CR2: variants seen among roughly 807,000 people sequenced by gnomAD.
CR2 encodes the protein complement receptor type 2.
In CR2, 96 loss-of-function variants were observed where a neutral mutation model predicts 123.0. The observed-to-expected ratio is 0.78, with a 90% CI of 0.66 to 0.93. The LOEUF is 0.93. Among genes scored for constraint, CR2 ranks in the 40% least tolerant of loss-of-function variants. The pLI, the probability that CR2 is intolerant of heterozygous loss-of-function variation, is 0.00. For missense variants in CR2, 1,258 were observed against 1,361.0 expected (o/e 0.92, Z 1.19); for synonymous variants, 484 against 469.5 (o/e 1.03, Z -0.40).
At chr1:207,475,261 A>G (rs1444825529) in intron 14 of CR2, 45 bp downstream of exon 14, 1 of 1,602,732 alleles carries the variant, frequency 6.2e-7, no homozygotes, top group East Asian at 2.2e-5. Context: ...TGTACAGAAT[A>G]AAGAAAAGAG....
In CR2 at chr1:207,474,301, C is replaced by A. The variant is rs772684748; in HGVS notation, c.2301C>A (p.Phe767Leu). 9.9e-6 allele frequency: 16 copies of A among 1,612,216 alleles called. No individual in the cohort carries two copies. The highest frequency in any genetic ancestry group is 1.6e-4 in the Middle Eastern group (1 of 6,076). Residue 767 changes from phenylalanine (F) to leucine (L), a missense_variant, in exon 13 of 20, where the codon TTC (phenylalanine) becomes TTA (leucine). Transcript: ENST00000367057. ...MCQDAENGIWFKKIPLCKVIH... is the reference protein window; with the variant it reads ...MCQDAENGIWLKKIPLCKVIH... ...AAGATGCTGAAAATGGAATTTGGTT[C>A]AAAAAGATTCCACTTTGTAAAGGTA...
chr1:207,454,394 CCGCCGCGGGGGCTTCGGCCGTGGCATGGG>C lies in CR2; in HGVS notation c.-15_14del, dbSNP rs1657774820. ...ACGCTCGCGGGTCTCGGAACGCATC[CCGCCGCGGGGGCTTCGGCCGTGGCATGGG>C]CGCCGCGGGCCTGCTCGGGGTTTTC... On this transcript the variant is annotated start_lost and 5_prime_UTR_variant, in exon 1 of 20. Coordinates refer to ENST00000367057, the MANE Select transcript of CR2 (RefSeq NM_001006658.3). This position sits in a 1 kb window ranked among gnomAD's most constrained non-coding sequence, Gnocchi z 4.3. 7.7e-6 allele frequency: 12 copies of C among 1,565,120 alleles called. 1 individual carries two copies. Among genetic ancestry groups the C allele is most frequent in the Middle Eastern group, 3.4e-4 (2 of 5,918 alleles).
chr1:207,459,527 C>T (rs1029704527), intron 1 of CR2, among the ~76,000 whole-genome samples: 1 of 152,116 alleles, frequency 6.6e-6, no homozygotes, highest in Non-Finnish European at 1.5e-5. Context: ...GTTTGTTTTT[C>T]ATCCATTTCA....
intron 2 of CR2, among the ~76,000 whole-genome samples, chr1:207,467,200 G>C (rs1322194712): frequency 6.6e-6 from 1 of 152,126 alleles, no homozygotes; most frequent in Non-Finnish European, 1.5e-5. Flanking sequence ...GAGTTTGTTG[G>C]GGATGTGGGA....
chr1:207,482,401 C>G (rs373808312), intron 18 of CR2, among the ~76,000 whole-genome samples: 1 of 151,962 alleles, frequency 6.6e-6, no homozygotes, highest in African/African-American at 2.4e-5. Context: ...ATATGTTGCT[C>G]TATCTAGTAT....
At chr1:207,474,537 C>T (rs577574755) in intron 13 of CR2, among the ~76,000 whole-genome samples, 2 of 152,260 alleles carry the variant, frequency 1.3e-5, no homozygotes, top group South Asian at 4.2e-4. Flanking sequence ...ATTTTGCTAA[C>T]AATAACAAAA....
In CR2 at chr1:207,486,667, C is replaced by A. The variant is rs556660053; in HGVS notation, c.*18+1095C>A. 8.5e-5 allele frequency among the ~76,000 whole-genome samples: 13 copies of A among 152,246 alleles called. 1 individual carries two copies. In the South Asian group the frequency reaches 2.5e-3, roughly 29 times the overall value. ...GGCAAGAAATTGTCAGTGGCTACCA[C>A]CAGGTTGTAAGAAGAGGCCAGATTC... is the stretch of plus-strand genomic sequence containing the variant. On this transcript the variant is annotated intron_variant, in intron 19 of 19. Transcript: ENST00000367057.
chr1:207,472,350 T>A (rs767642840), intron 9 of CR2, among the ~76,000 whole-genome samples: 21 of 152,320 alleles, frequency 1.4e-4, no homozygotes, highest in Middle Eastern at 3.4e-3. Context: ...ATGAGGAAAC[T>A]GCCTATCACA....
intron 13 of CR2, 137 bp downstream of exon 13, chr1:207,474,460 G>C (rs1464192107): frequency 1.4e-6 from 1 of 722,306 alleles, no homozygotes; most frequent in Non-Finnish European, 2.4e-6. Context: ...AAATCTTATG[G>C]TGTTGGTCAG....
chr1:207,471,457 C>T lies in CR2; in HGVS notation c.1528C>T (p.Gln510Ter). The T allele has an allele frequency of 1.9e-6, 3 of 1,613,044 alleles. No individual in the cohort carries two copies. The highest frequency in any genetic ancestry group is 2.5e-6 in the Non-Finnish European group (3 of 1,179,174). The part of the protein sequence containing the change: ...KLSGSVYQEC[Q>*]GTIPWFMEIR... The stretch of plus-strand genomic sequence containing the variant: ...AAGTGGGAGTGTTTATCAGGAGTGT[C>T]AAGGCACAATTCCTTGGTTTATGGA... Residue 510 changes from glutamine to a stop codon, truncating the protein, a stop_gained, in exon 9 of 20, where the codon CAA becomes TAA. Coordinates refer to ENST00000367057, the MANE Select transcript of CR2 (RefSeq NM_001006658.3). LOFTEE classifies it high-confidence loss of function.
At position 207,469,921 on chromosome 1, in the gene CR2, G is replaced by A. The variant is rs144982406; in HGVS notation, c.1044G>A (p.Ala348=). The change falls in exon 6 of 20, where the codon GCG becomes GCA. Residue 348 remains alanine (A), a synonymous_variant. Transcript: ENST00000367057. ...PAPRCELSTS[A]VQCPHPQILR... ...CACGCTGTGAACTTTCTACTTCTGC[G>A]GTTCAGTGTCCACATCCCCAGATCC... 2.5e-5 allele frequency: 41 copies of A among 1,613,790 alleles called. 1 individual carries two copies. Among genetic ancestry groups the A allele is most frequent in the Admixed American group, 1.3e-4 (8 of 59,942 alleles).
At position 207,466,197 on chromosome 1, in the gene CR2, T is replaced by A. The variant is rs566310016; in HGVS notation, c.59-329T>A. On this transcript the variant is annotated intron_variant, in intron 1 of 19. Transcript: ENST00000367057. Reference sequence around the variant, plus strand: ...CCCTAATCCATGGTACCTCCCCACATGTAACTATCATGCCACTAATATGTT... The same window carrying A: ...CCCTAATCCATGGTACCTCCCCACAAGTAACTATCATGCCACTAATATGTT... Among the ~76,000 whole-genome samples, 54 of 152,344 alleles carry A rather than the reference T, an allele frequency of 3.5e-4. 1 individual carries two copies. Among genetic ancestry groups the A allele is most frequent in the Non-Finnish European group, 5.9e-5 (4 of 68,028 alleles).
At position 207,454,458 on chromosome 1, in the gene CR2, G is replaced by T; in HGVS notation, c.40G>T (p.Val14Phe). The change falls in exon 1 of 20, where the codon GTC (valine) becomes TTC (phenylalanine). Residue 14 changes from valine to phenylalanine, a missense_variant. By Grantham distance (50) the Val-to-Phe change is conservative. Coordinates refer to ENST00000367057, the MANE Select transcript of CR2 (RefSeq NM_001006658.3). This position sits in a 1 kb window ranked among gnomAD's most constrained non-coding sequence, Gnocchi z 4.3. Reference sequence around the variant, plus strand: ...CCTGCTCGGGGTTTTCTTGGCTCTCGTCGCACCGGGGGTCCTCGGTGAGCT... The same window carrying T: ...CCTGCTCGGGGTTTTCTTGGCTCTCTTCGCACCGGGGGTCCTCGGTGAGCT... ...AGLLGVFLAL[V>F]APGVLGISCG... 1 of 1,579,474 alleles carries T rather than the reference G, an allele frequency of 6.3e-7. No homozygotes were observed.
intron 19 of CR2, among the ~76,000 whole-genome samples, chr1:207,487,678 C>T (rs1386493245): frequency 6.6e-6 from 1 of 152,074 alleles, no homozygotes; most frequent in Middle Eastern, 3.2e-3. Context: ...ATGCCCTATT[C>T]CTACATGATG....
In CR2 at chr1:207,454,460, C is replaced by T; in HGVS notation, c.42C>T (p.Val14=). The change falls in exon 1 of 20, where the codon GTC becomes GTT. Residue 14 remains valine (V), a synonymous_variant. Coordinates refer to ENST00000367057, the MANE Select transcript of CR2 (RefSeq NM_001006658.3). This position sits in a 1 kb window ranked among gnomAD's most constrained non-coding sequence, Gnocchi z 4.3. Reference sequence around the variant, plus strand: ...TGCTCGGGGTTTTCTTGGCTCTCGTCGCACCGGGGGTCCTCGGTGAGCTGG... The same window carrying T: ...TGCTCGGGGTTTTCTTGGCTCTCGTTGCACCGGGGGTCCTCGGTGAGCTGG... ...AGLLGVFLAL[V]APGVLGISCG... is the part of the protein sequence containing the mutation. 2 of 1,578,414 alleles carry T rather than the reference C, an allele frequency of 1.3e-6. No homozygotes were observed. The highest frequency in any genetic ancestry group is 1.7e-6 in the Non-Finnish European group (2 of 1,168,242).
At chr1:207,485,957 TTGG>T (rs1335023241) in intron 19 of CR2, among the ~76,000 whole-genome samples, 1 of 151,930 alleles carries the variant, frequency 6.6e-6, no homozygotes, top group East Asian at 1.9e-4. Flanking sequence ...AGGGCCGGCC[TTGG>T]TGGCTCACGC....
At chr1:207,461,308 A>T (rs182701902) in intron 1 of CR2, among the ~76,000 whole-genome samples, 28 of 152,240 alleles carry the variant, frequency 1.8e-4, no homozygotes, top group Admixed American at 1.8e-3. Flanking sequence ...AAAACCACTA[A>T]TTTTTACTTG....
chr1:207,483,828 C>A (rs61821133), intron 18 of CR2, among the ~76,000 whole-genome samples: 16,261 of 151,872 alleles, frequency 0.11, 1,113 homozygotes, highest in African/African-American at 0.19. Flanking sequence ...GGTCTGGACT[C>A]GGGTGGGTGA....
rs373698188 is a variant in CR2, at chr1:207,480,031, G to A, written c.3166G>A (p.Val1056Met). 3.4e-5 allele frequency: 55 copies of A among 1,612,466 alleles called. No individual in the cohort carries two copies. Among genetic ancestry groups the A allele is most frequent in the South Asian group, 4.4e-5 (4 of 91,050 alleles). Residue 1056 changes from valine to methionine, a missense_variant, in exon 18 of 20, where the codon GTG (valine) becomes ATG (methionine). Coordinates refer to ENST00000367057, the MANE Select transcript of CR2 (RefSeq NM_001006658.3). ...LTFLIVITLY[V>M]ISKHRARNYY... Reference sequence around the variant, plus strand: ...CTTCTTGATTGTCATTACCTTATACGTGATATCAAAACACAGAGCACGGTA... The same window carrying A: ...CTTCTTGATTGTCATTACCTTATACATGATATCAAAACACAGAGCACGGTA...
Sources: allele counts gnomAD v4.1 joint callset (sites outside exome capture counted in the v4.1 genomes callset), GRCh38; gene constraint gnomAD v4.1.1; non-coding constraint Gnocchi (gnomAD v3.1); transcripts MANE v1.5; gene names NCBI Gene and HGNC (gene_info 2026-07-23, HGNC 2026-07-21).